SPOCK3: variants seen among roughly 807,000 people sequenced by gnomAD.
The protein encoded by SPOCK3 is SPARC (osteonectin), cwcv and kazal like domains proteoglycan 3.
In SPOCK3, 30 loss-of-function variants were observed where a neutral mutation model predicts 56.6. That is an observed-to-expected ratio of 0.53 (90% CI 0.40 to 0.72). The LOEUF (loss-of-function observed/expected upper bound fraction) is 0.72. Among genes scored for constraint, SPOCK3 ranks in the 30% least tolerant of loss-of-function variants. The pLI is 0.00. For synonymous variants in SPOCK3, 196 were observed against 183.3 expected (o/e 1.07, Z -0.56); for missense variants, 527 against 530.0 (o/e 0.99, Z 0.06).
intron 3 of SPOCK3, among the ~76,000 whole-genome samples, chr4:167,054,514 T>C (rs1250341725): frequency 6.6e-6 from 1 of 152,216 alleles, no homozygotes; most frequent in Non-Finnish European, 1.5e-5. Flanking sequence ...TTCTGTCATG[T>C]CAACTCATGA....
intron 4 of SPOCK3, among the ~76,000 whole-genome samples, chr4:166,969,130 T>C (rs1745083667): frequency 6.6e-6 from 1 of 152,220 alleles, no homozygotes; most frequent in African/African-American, 2.4e-5. Flanking sequence ...TGTACCTCCA[T>C]TATATCTTGG....
intron 5 of SPOCK3, among the ~76,000 whole-genome samples, chr4:166,902,566 A>T (rs538461372): frequency 6.6e-6 from 1 of 151,968 alleles, no homozygotes; most frequent in African/African-American, 2.4e-5. Flanking sequence ...AGAAATACGT[A>T]TGTGTATACA....
At chr4:166,772,260 G>A (rs1450409608) in intron 7 of SPOCK3, among the ~76,000 whole-genome samples, 1 of 151,960 alleles carries the variant, frequency 6.6e-6, no homozygotes, top group African/African-American at 2.4e-5. Flanking sequence ...TGAACAAAAA[G>A]TACATAAAAT....
At chr4:166,754,373 CT>C (rs1393410176) in intron 8 of SPOCK3, 134 bp downstream of exon 8, 3 of 1,395,848 alleles carry the variant, frequency 2.1e-6, no homozygotes, top group Non-Finnish European at 2.8e-6. Flanking sequence ...CTTATTTGCT[CT>C]TTTATTCAAC....
intron 2 of SPOCK3, among the ~76,000 whole-genome samples, chr4:167,122,067 CTCTTT>C (rs1338640171): frequency 6.6e-6 from 1 of 151,724 alleles, no homozygotes; most frequent in Non-Finnish European, 1.5e-5. Flanking sequence ...CCCTCCCTCC[CTCTTT>C]TCTTTTCCTT....
chr4:166,949,955 C>G (rs867412149), intron 4 of SPOCK3, among the ~76,000 whole-genome samples: 11 of 151,036 alleles, frequency 7.3e-5, no homozygotes, highest in Non-Finnish European at 1.0e-4. Flanking sequence ...TGCAAAGGAA[C>G]AATCGGTACC....
intron 8 of SPOCK3, among the ~76,000 whole-genome samples, chr4:166,744,000 C>T (rs1231677518): frequency 6.6e-6 from 1 of 152,314 alleles, no homozygotes; most frequent in East Asian, 1.9e-4. Flanking sequence ...GGAGGCCTCC[C>T]TGCCTCTGTA....
At chr4:167,110,662 CTATTA>C (rs1172349042) in intron 2 of SPOCK3, among the ~76,000 whole-genome samples, 1 of 151,872 alleles carries the variant, frequency 6.6e-6, no homozygotes, top group Non-Finnish European at 1.5e-5. Flanking sequence ...CATTGAACCC[CTATTA>C]TGAGTAAGGA....
intron 2 of SPOCK3, among the ~76,000 whole-genome samples, chr4:167,123,161 A>T (rs901214677): frequency 6.6e-6 from 1 of 152,060 alleles, no homozygotes; most frequent in Non-Finnish European, 1.5e-5. Flanking sequence ...TTACAAGAAC[A>T]TAGAAAAGTT....
At chr4:167,161,452 C>G (rs1166372975) in intron 2 of SPOCK3, among the ~76,000 whole-genome samples, 1 of 152,128 alleles carries the variant, frequency 6.6e-6, no homozygotes, top group Non-Finnish European at 1.5e-5. Flanking sequence ...GGACTGTAAA[C>G]TAGTTCAACC....
intron 2 of SPOCK3, among the ~76,000 whole-genome samples, chr4:167,194,560 C>T (rs1732760030): frequency 6.6e-6 from 1 of 152,148 alleles, no homozygotes; most frequent in African/African-American, 2.4e-5. Flanking sequence ...AATGTCTCTC[C>T]GAGTGTGCAG....
chr4:167,233,983 AC>A lies in SPOCK3; in HGVS notation c.189+1del. The A allele has an allele frequency of 6.2e-7, 1 of 1,612,280 alleles. No homozygotes were observed. Among genetic ancestry groups the A allele is most frequent in the Non-Finnish European group, 8.5e-7 (1 of 1,178,544 alleles). ...CCGGGGATGTGGGTGCGCGGAACTT[AC>A]GTCTCGGAATTTGTTCCACTGTCCG... On this transcript the variant is annotated splice_donor_variant, in intron 2 of 10. Transcript: ENST00000357545. LOFTEE classifies it high-confidence loss of function.
intron 3 of SPOCK3, among the ~76,000 whole-genome samples, chr4:167,012,815 T>C (rs1750219296): frequency 6.6e-6 from 1 of 152,042 alleles, no homozygotes; most frequent in Non-Finnish European, 1.5e-5. Flanking sequence ...GTTGTTCTGA[T>C]AGCAGTTTCT....
chr4:167,037,739 C>G (rs1292917600), intron 3 of SPOCK3, among the ~76,000 whole-genome samples: 1 of 152,186 alleles, frequency 6.6e-6, no homozygotes, highest in Non-Finnish European at 1.5e-5. Context: ...GAACACCTAA[C>G]TTAAGTGGAG....
At chr4:166,919,369 C>G (rs1454211578) in intron 4 of SPOCK3, among the ~76,000 whole-genome samples, 1 of 152,104 alleles carries the variant, frequency 6.6e-6, no homozygotes, top group Non-Finnish European at 1.5e-5. Context: ...TATTATCATA[C>G]TTGAATAATA....
At chr4:167,149,522 A>G (rs1764232963) in intron 2 of SPOCK3, among the ~76,000 whole-genome samples, 1 of 152,112 alleles carries the variant, frequency 6.6e-6, no homozygotes, top group African/African-American at 2.4e-5. Flanking sequence ...AAGAAAATAT[A>G]GATTCTCCTG....
chr4:166,913,521 T>C (rs555108982), intron 4 of SPOCK3, among the ~76,000 whole-genome samples: 3 of 152,332 alleles, frequency 2.0e-5, no homozygotes, highest in East Asian at 3.9e-4. Context: ...AGTAAATCAA[T>C]ATTCATTTAT....
chr4:166,845,855 A>T (rs1344011027), intron 6 of SPOCK3, among the ~76,000 whole-genome samples: 2 of 152,156 alleles, frequency 1.3e-5, no homozygotes, highest in Non-Finnish European at 2.9e-5. Context: ...TGAGAAATGC[A>T]TCCTGAGGTG....
chr4:167,093,199 G>A (rs546869380), intron 2 of SPOCK3, among the ~76,000 whole-genome samples: 161 of 152,088 alleles, frequency 1.1e-3, no homozygotes, highest in Non-Finnish European at 1.9e-3. Flanking sequence ...TAATTACATT[G>A]CAAATCTTAG....
Sources: allele counts gnomAD v4.1 joint callset (sites outside exome capture counted in the v4.1 genomes callset), GRCh38; gene constraint gnomAD v4.1.1; transcripts MANE v1.5; gene names NCBI Gene and HGNC (gene_info 2026-07-23, HGNC 2026-07-21).